EXOSC9: variants seen among roughly 807,000 people sequenced by gnomAD.
EXOSC9 encodes the protein exosome component 9, also known as exosome complex component RRP45.
In EXOSC9, 38 loss-of-function variants were observed where a neutral mutation model predicts 56.5. That is an observed-to-expected ratio of 0.67 (90% CI 0.52 to 0.88). The LOEUF is 0.88. Ranked by LOEUF, EXOSC9 falls within the 40% of genes least tolerant of loss-of-function variation. EXOSC9 has a pLI of 0.00. For synonymous variants in EXOSC9, 170 were observed against 170.8 expected, an observed-to-expected ratio of 0.99 and a Z score of 0.04; for missense variants, 559 against 530.5, an observed-to-expected ratio of 1.05 and a Z score of -0.53.
chr4:121,807,254 C>T (rs1470145064), intron 5 of EXOSC9, among the ~76,000 whole-genome samples: 2 of 152,062 alleles, frequency 1.3e-5, no homozygotes. Context: ...CTTGCCATTG[C>T]ACTCCAGCCT....
At chr4:121,805,441 T>C (rs1402762528) in intron 5 of EXOSC9, among the ~76,000 whole-genome samples, 1 of 152,238 alleles carries the variant, frequency 6.6e-6, no homozygotes, top group African/African-American at 2.4e-5. Context: ...ACTGTAGTTG[T>C]AGTTTGAATC....
At chr4:121,813,476 T>G in intron 9 of EXOSC9, 96 bp downstream of exon 9, 2 of 1,077,288 alleles carry the variant, frequency 1.9e-6, no homozygotes, top group Non-Finnish European at 2.7e-6. Flanking sequence ...GAAATTAGTT[T>G]TTGTAAACAC....
At chr4:121,815,348 A>G (rs1182171600) in intron 10 of EXOSC9, 1 of 976,818 alleles carries the variant, frequency 1.0e-6, no homozygotes, top group Non-Finnish European at 1.2e-6. Flanking sequence ...ATGTTTGTTT[A>G]GTGTATTCTT....
intron 4 of EXOSC9, 116 bp from the exon 5 acceptor site, chr4:121,804,506 T>C (rs754570918): frequency 5.8e-5 from 36 of 624,690 alleles, no homozygotes; most frequent in Non-Finnish European, 8.9e-5. Flanking sequence ...GTACAAGGAG[T>C]AACTGCGTGT....
At position 121,811,684 on chromosome 4, in the gene EXOSC9, TCCAGAACTAAG is replaced by T; in HGVS notation, c.827+14_827+24del. On this transcript the variant is annotated intron_variant, in intron 8 of 11. Transcript: ENST00000243498. Reference sequence around the variant, plus strand: ...ACCAAAAAGTAAGGTAAGTAACTTTTCCAGAACTAAGTGGTCTTTTATTTTCATTTTTTAAA... The same window carrying T: ...ACCAAAAAGTAAGGTAAGTAACTTTTTGGTCTTTTATTTTCATTTTTTAAA... 1 of 1,374,180 alleles carries T rather than the reference TCCAGAACTAAG, an allele frequency of 7.3e-7. No homozygotes were observed. Among genetic ancestry groups the T allele is most frequent in the Non-Finnish European group, 1.0e-6 (1 of 997,040 alleles). The allele number at this position is 1,374,180 out of a possible 1,614,324, so 85.1% of individuals were successfully genotyped here. A position where few individuals can be genotyped will look rare whatever the true frequency, so the allele number is the denominator to read the frequency against.
chr4:121,815,350 T>C, intron 10 of EXOSC9: 1 of 977,586 alleles, frequency 1.0e-6, no homozygotes, highest in Non-Finnish European at 1.2e-6. Flanking sequence ...GTTTGTTTAG[T>C]GTATTCTTCT....
At chr4:121,806,849 G>T (rs1430494164) in intron 5 of EXOSC9, among the ~76,000 whole-genome samples, 2 of 152,122 alleles carry the variant, frequency 1.3e-5, no homozygotes, top group African/African-American at 4.8e-5. Context: ...TGGGGCTAGG[G>T]TGGGAGTACA....
chr4:121,805,736 T>C (rs1726998917), intron 5 of EXOSC9, among the ~76,000 whole-genome samples: 1 of 152,178 alleles, frequency 6.6e-6, no homozygotes, highest in Non-Finnish European at 1.5e-5. Flanking sequence ...GTTTGGTAGC[T>C]TAAGTTTTAA....
chr4:121,812,783 G>T (rs1189009360), intron 8 of EXOSC9, among the ~76,000 whole-genome samples: 13 of 152,174 alleles, frequency 8.5e-5, no homozygotes, highest in Admixed American at 8.5e-4. Flanking sequence ...GAGCCACCGT[G>T]CCTGGAGACA....
rs760493275 is a variant in EXOSC9, at chr4:121,804,714, T to C, written c.477T>C (p.His159=). 1 of 1,613,350 alleles carries C rather than the reference T, an allele frequency of 6.2e-7. No individual in the cohort carries two copies. Among genetic ancestry groups the C allele is most frequent in the Non-Finnish European group, 8.5e-7 (1 of 1,179,474 alleles). Residue 159 remains histidine, a synonymous_variant, in exon 5 of 12, where the codon CAT becomes CAC. Transcript: ENST00000243498. ...TTGCTGCAATCGTGGCCTTATGTCATTTCCGAAGACCTGATGTCTCTGTCC... is the reference window on the plus strand; with the variant it reads ...TTGCTGCAATCGTGGCCTTATGTCACTTCCGAAGACCTGATGTCTCTGTCC... ...ASIAAIVALC[H]FRRPDVSVQG...
At chr4:121,816,016 CTG>C (rs2149040440) in intron 10 of EXOSC9, 1 of 1,193,286 alleles carries the variant, frequency 8.4e-7, no homozygotes, top group South Asian at 3.2e-5. Context: ...GTCACCCAGA[CTG>C]GAGTGCAGTG....
chr4:121,808,955 T>C lies in EXOSC9; in HGVS notation c.606-1012T>C, dbSNP rs538483833. On this transcript the variant is annotated intron_variant, in intron 6 of 11. Coordinates refer to ENST00000243498, the MANE Select transcript of EXOSC9 (RefSeq NM_005033.3). ...CTCCCAAAGTGCTAGGATTATAGGCTTGAGCCACCATGCGCAGCATTTGTT... is the reference window on the plus strand; with the variant it reads ...CTCCCAAAGTGCTAGGATTATAGGCCTGAGCCACCATGCGCAGCATTTGTT... 2.7e-5 allele frequency among the ~76,000 whole-genome samples: 4 copies of C among 150,750 alleles called. No homozygotes were observed. In the South Asian group the frequency reaches 8.5e-4, roughly 32 times the overall value.
At chr4:121,805,828 C>T (rs1727004602) in intron 5 of EXOSC9, among the ~76,000 whole-genome samples, 1 of 139,234 alleles carries the variant, frequency 7.2e-6, no homozygotes, top group African/African-American at 2.8e-5. Flanking sequence ...TTTTTTGAGA[C>T]AGGATCTCAC....
chr4:121,803,207 G>C (rs1282677072), intron 4 of EXOSC9, among the ~76,000 whole-genome samples, 190 bp downstream of exon 4: 5 of 151,996 alleles, frequency 3.3e-5, no homozygotes, highest in Non-Finnish European at 5.9e-5. Flanking sequence ...CAAAAAGGGT[G>C]TCCCTTCAGA....
At chr4:121,816,739 T>C in intron 11 of EXOSC9, 33 bp from the exon 12 acceptor site, 1 of 1,546,658 alleles carries the variant, frequency 6.5e-7, no homozygotes, top group Non-Finnish European at 8.7e-7. Context: ...CTTAACATAC[T>C]CTTAGTAAAT....
Position 121,815,548 on chromosome 4 carries a change from T to C in EXOSC9, c.1157-821T>C. 3.0e-6 allele frequency: 3 copies of C among 985,284 alleles called. No homozygotes were observed. The South Asian group carries it at 1.4e-4, about 46-fold the overall frequency. 61.0% of individuals were successfully genotyped at this position (985,284 alleles called of 1,614,324 possible). ...CATTAACTAATAAGCAGGAGAAAAATGGGCAAAATACATGGAGCAGTTCTC... is the reference window on the plus strand; with the variant it reads ...CATTAACTAATAAGCAGGAGAAAAACGGGCAAAATACATGGAGCAGTTCTC... On this transcript the variant is annotated intron_variant, in intron 10 of 11. Coordinates refer to ENST00000243498, the MANE Select transcript of EXOSC9 (RefSeq NM_005033.3).
intron 4 of EXOSC9, among the ~76,000 whole-genome samples, chr4:121,803,600 G>T (rs1187312480): frequency 6.6e-6 from 1 of 152,066 alleles, no homozygotes; most frequent in African/African-American, 2.4e-5. Context: ...GAGTGCAGTG[G>T]TGCAATCTCA....
chr4:121,815,966 T>C, intron 10 of EXOSC9: 2 of 1,241,392 alleles, frequency 1.6e-6, no homozygotes, highest in Non-Finnish European at 2.0e-6. Flanking sequence ...AGCCTCCACC[T>C]AGAGTTTTAT....
intron 8 of EXOSC9, 74 bp from the exon 9 acceptor site, chr4:121,813,160 T>C (rs1490999920): frequency 7.3e-7 from 1 of 1,375,372 alleles, no homozygotes; most frequent in Admixed American, 2.3e-5. Flanking sequence ...AATAGTTTTT[T>C]TCCCTTCCTG....
Sources: allele counts gnomAD v4.1 joint callset (sites outside exome capture counted in the v4.1 genomes callset), GRCh38; gene constraint gnomAD v4.1.1; transcripts MANE v1.5; gene names NCBI Gene and HGNC (gene_info 2026-07-23, HGNC 2026-07-21).